PPFIBP1: variants seen among roughly 807,000 people sequenced by gnomAD.
The protein encoded by PPFIBP1 is PPFIB scaffold protein 1.
Under a neutral mutation model 137.8 loss-of-function variants are expected in PPFIBP1, and 112 were observed. The observed-to-expected ratio is 0.81, with a 90% CI of 0.70 to 0.95. The LOEUF (loss-of-function observed/expected upper bound fraction) is 0.95, where lower values mean the gene tolerates loss of function less well. Ranked by LOEUF, PPFIBP1 falls within the 40% of genes least tolerant of loss-of-function variation. The pLI is 0.00. For missense variants in PPFIBP1, 1,083 were observed against 1,196.6 expected (o/e 0.91, Z 1.40); for synonymous variants, 378 against 417.3 (o/e 0.91, Z 1.15).
intron 2 of PPFIBP1, among the ~76,000 whole-genome samples, chr12:27,583,246 A>G (rs2051324456): frequency 6.6e-6 from 1 of 152,106 alleles, no homozygotes; most frequent in African/African-American, 2.4e-5. Flanking sequence ...CATTATCTCA[A>G]CCTTGGGGAA....
rs528966287 is a variant in PPFIBP1 at position 27,675,131 on chromosome 12, T to G, written c.1410+910T>G. Among the ~76,000 whole-genome samples the G allele has an allele frequency of 2.2e-4, 34 of 152,204 alleles. 1 individual carries two copies. The highest frequency in any genetic ancestry group is 8.2e-4 in the African/African-American group (34 of 41,544). On this transcript the variant is annotated intron_variant, in intron 17 of 29. Coordinates refer to ENST00000228425, the MANE Select transcript of PPFIBP1 (RefSeq NM_003622.4). The stretch of plus-strand genomic sequence containing the variant: ...TACTGGGATTACAGGCATGAGCCAC[T>G]GTGCCTGTTCTGTCCTCTGATTTTC...
chr12:27,564,968 T>C (rs2049516830), intron 1 of PPFIBP1, among the ~76,000 whole-genome samples: 1 of 152,166 alleles, frequency 6.6e-6, no homozygotes, highest in South Asian at 2.1e-4. Flanking sequence ...CTAGAAAAAA[T>C]GATGAATCAC....
intron 7 of PPFIBP1, among the ~76,000 whole-genome samples, chr12:27,651,141 A>T (rs949329004): frequency 2.0e-5 from 3 of 152,230 alleles, no homozygotes; most frequent in Non-Finnish European, 4.4e-5. Flanking sequence ...TATTGGAAAT[A>T]ACAAGTTTTA....
At chr12:27,554,668 A>G (rs1394021315) in intron 1 of PPFIBP1, among the ~76,000 whole-genome samples, 1 of 152,208 alleles carries the variant, frequency 6.6e-6, no homozygotes, top group East Asian at 1.9e-4. Flanking sequence ...CTGTGAATGG[A>G]AAGTTCATCT....
chr12:27,597,674 A>G (rs1592735507), intron 2 of PPFIBP1, among the ~76,000 whole-genome samples: 2 of 152,244 alleles, frequency 1.3e-5, no homozygotes, highest in East Asian at 3.8e-4. Flanking sequence ...TTTGAACTGA[A>G]TATAAACATT....
intron 13 of PPFIBP1, among the ~76,000 whole-genome samples, chr12:27,670,816 A>AATAATAAT (rs1351674469): frequency 1.3e-5 from 2 of 149,444 alleles, no homozygotes; most frequent in East Asian, 3.9e-4. Context: ...TAATAATAAT[A>AATAATAAT]GAGTGTTGAA....
chr12:27,649,812 A>G (rs996916233), intron 6 of PPFIBP1, among the ~76,000 whole-genome samples, 198 bp from the exon 7 acceptor site: 4 of 152,194 alleles, frequency 2.6e-5, no homozygotes, highest in South Asian at 2.1e-4. Context: ...TCGGCCTCCC[A>G]AAGTGCTGGG....
At chr12:27,607,475 A>G (rs1340716411) in intron 2 of PPFIBP1, among the ~76,000 whole-genome samples, 2 of 152,232 alleles carry the variant, frequency 1.3e-5, no homozygotes, top group Non-Finnish European at 2.9e-5. Flanking sequence ...GCATTTGATC[A>G]TTGTCAGAGG....
At chr12:27,562,159 GTTTA>G (rs2049221680) in intron 1 of PPFIBP1, among the ~76,000 whole-genome samples, 1 of 151,894 alleles carries the variant, frequency 6.6e-6, no homozygotes, top group Non-Finnish European at 1.5e-5. Flanking sequence ...ATTTTCACTT[GTTTA>G]TTTATTTATT....
At chr12:27,647,866 G>A (rs1312849165) in intron 6 of PPFIBP1, 24 bp downstream of exon 6, 16 of 1,598,332 alleles carry the variant, frequency 1.0e-5, no homozygotes, top group Non-Finnish European at 1.2e-5. Flanking sequence ...CCAGAACCAA[G>A]ATGGGATTTC....
At chr12:27,620,298 A>C (rs992955454) in intron 2 of PPFIBP1, among the ~76,000 whole-genome samples, 6 of 150,920 alleles carry the variant, frequency 4.0e-5, no homozygotes, top group Non-Finnish European at 8.8e-5. Context: ...CTACCCCACC[A>C]CTCCCACCAC....
At chr12:27,579,361 G>A (rs2136917194) in intron 2 of PPFIBP1, among the ~76,000 whole-genome samples, 1 of 152,298 alleles carries the variant, frequency 6.6e-6, no homozygotes, top group East Asian at 1.9e-4. Context: ...TAGCTTGAGG[G>A]AATAAATGTC....
chr12:27,679,832 A>G, intron 20 of PPFIBP1, 101 bp from the exon 21 acceptor site: 4 of 1,467,004 alleles, frequency 2.7e-6, no homozygotes, highest in Non-Finnish European at 3.7e-6. Context: ...AACAACACAA[A>G]GAGGATTAGT....
chr12:27,543,025 C>T (rs995661979), intron 1 of PPFIBP1, among the ~76,000 whole-genome samples: 1 of 152,108 alleles, frequency 6.6e-6, no homozygotes, highest in African/African-American at 2.4e-5. Flanking sequence ...TGTTACATAA[C>T]CCAGGGGAGG....
At chr12:27,690,844 T>C (rs1031569091) in intron 27 of PPFIBP1, among the ~76,000 whole-genome samples, 8 of 152,104 alleles carry the variant, frequency 5.3e-5, no homozygotes, top group Non-Finnish European at 1.2e-4. Flanking sequence ...CAGAAGAGAA[T>C]GGGTATTTCC....
chr12:27,667,627 G>A (rs952031571), intron 13 of PPFIBP1, among the ~76,000 whole-genome samples: 5 of 152,206 alleles, frequency 3.3e-5, no homozygotes, highest in Admixed American at 6.5e-5. Context: ...ACACCACACC[G>A]AAACTTTGTG....
At position 27,673,770 on chromosome 12, in the gene PPFIBP1, TTCA is replaced by T. The variant is rs2060342123; in HGVS notation, c.1324_1326del (p.Ser443del). The T allele has an allele frequency of 6.2e-7, 1 of 1,612,734 alleles. No individual in the cohort carries two copies. Among genetic ancestry groups the T allele is most frequent in the Non-Finnish European group, 8.5e-7 (1 of 1,179,106 alleles). ...TTGTTATTACTGTTATTTTTAGAAC[TTCA>T]AGTCTGCAGAAGTCCAGCAGCCTGG... On this transcript the variant is annotated inframe_deletion, in exon 16 of 30. Transcript: ENST00000228425.
chr12:27,569,322 G>A (rs117999707), intron 1 of PPFIBP1, among the ~76,000 whole-genome samples: 1,927 of 152,196 alleles, frequency 0.013, 21 homozygotes, highest in Non-Finnish European at 0.023. Context: ...ATTAAATACT[G>A]TAAACACACC....
At chr12:27,603,306 T>C (rs1180012088) in intron 2 of PPFIBP1, among the ~76,000 whole-genome samples, 1 of 152,100 alleles carries the variant, frequency 6.6e-6, no homozygotes, top group Non-Finnish European at 1.5e-5. Flanking sequence ...CTTTGCAGAG[T>C]TTTTGAAATG....
Sources: allele counts gnomAD v4.1 joint callset (sites outside exome capture counted in the v4.1 genomes callset), GRCh38; gene constraint gnomAD v4.1.1; transcripts MANE v1.5; gene names NCBI Gene and HGNC (gene_info 2026-07-23, HGNC 2026-07-21).